ANOS1: variants seen among roughly 807,000 people sequenced by gnomAD.
ANOS1 encodes the protein anosmin-1.
ANOS1 carries 6 observed loss-of-function variants against 59.0 expected under a neutral mutation model. The ratio of observed to expected loss-of-function variants is 0.10; its 90% confidence interval spans 0.06 to 0.20. The LOEUF (loss-of-function observed/expected upper bound fraction) is 0.20. ANOS1 is among the 10% of genes least tolerant of loss of function. The pLI is 1.00. For synonymous variants in ANOS1, 217 were observed against 223.4 expected (o/e 0.97, Z 0.25); for missense variants, 433 against 542.3 (o/e 0.80, Z 2.00).
intron 1 of ANOS1, among the ~76,000 whole-genome samples, chrX:8,718,027 A>T (rs1326336039): frequency 9.1e-6 from 1 of 110,026 alleles, no homozygotes; most frequent in Non-Finnish European, 1.9e-5. Context: ...GCACCACTGC[A>T]CTCCAGCCTG....
rs777199213 is a variant in ANOS1, at chrX:8,553,961, T to G, written c.1345A>C (p.Lys449Gln). Residue 449 changes from lysine to glutamine, a missense_variant, in exon 9 of 14, where the codon AAG (lysine) becomes CAG (glutamine). Coordinates refer to ENST00000262648, the MANE Select transcript of ANOS1 (RefSeq NM_000216.4). ...AGTAATGTTTATGTACCTTCTGTCT[T>G]CTTCCAGTAGACTTTAACTTGCAGT... ...GQLQVKVYWK[K>Q]TEDPTVNRYH... 14 of 1,207,569 alleles carry G rather than the reference T, an allele frequency of 1.2e-5. No homozygotes were observed. The highest frequency in any genetic ancestry group is 2.3e-4 in the Middle Eastern group (1 of 4,367).
At chrX:8,675,425 C>G (rs932790258) in intron 2 of ANOS1, among the ~76,000 whole-genome samples, 24 of 111,642 alleles carry the variant, frequency 2.1e-4, no homozygotes, top group African/African-American at 7.8e-4. Context: ...CATCAGAAAT[C>G]ATTCCCTCCG....
At chrX:8,702,605 T>C in intron 1 of ANOS1, among the ~76,000 whole-genome samples, 1 of 111,897 alleles carries the variant, frequency 8.9e-6, no homozygotes, top group Non-Finnish European at 1.9e-5. Context: ...GAAGGAATTA[T>C]TGGGAGTTAA....
intron 2 of ANOS1, among the ~76,000 whole-genome samples, chrX:8,646,319 C>T (rs765813117): frequency 1.8e-5 from 2 of 110,838 alleles, no homozygotes; most frequent in Non-Finnish European, 3.8e-5. Context: ...CTGGGACTAT[C>T]GGTGCGTGCC....
At chrX:8,643,115 A>T (rs1156926698) in intron 2 of ANOS1, among the ~76,000 whole-genome samples, 1 of 111,460 alleles carries the variant, frequency 9.0e-6, no homozygotes, top group Non-Finnish European at 1.9e-5. Context: ...GGTGTTGATG[A>T]CCTAGAGGAA....
intron 3 of ANOS1, among the ~76,000 whole-genome samples, chrX:8,602,615 T>C (rs768839106): frequency 2.7e-5 from 3 of 111,930 alleles, no homozygotes; most frequent in Non-Finnish European, 5.6e-5. Flanking sequence ...TCTAAAATTA[T>C]ATGCAGGTAA....
chrX:8,653,395 G>A (rs1460341630), intron 2 of ANOS1, among the ~76,000 whole-genome samples: 1 of 110,615 alleles, frequency 9.0e-6, no homozygotes, highest in Admixed American at 9.7e-5. Context: ...GAATGTTCCT[G>A]GACTGAGAGC....
intron 2 of ANOS1, among the ~76,000 whole-genome samples, chrX:8,689,775 CAAAA>C (rs1226656927): frequency 1.7e-4 from 14 of 80,716 alleles, no homozygotes; most frequent in Non-Finnish European, 2.5e-4. Context: ...AAAAAAAAAA[CAAAA>C]AAAAAAAAGA....
intron 2 of ANOS1, among the ~76,000 whole-genome samples, chrX:8,656,952 C>G (rs1005383238): frequency 1.1e-4 from 12 of 111,732 alleles, no homozygotes; most frequent in African/African-American, 3.9e-4. Context: ...TGGTAGGTGT[C>G]TTTGTTATTC....
chrX:8,710,536 A>G (rs1170780662), intron 1 of ANOS1, among the ~76,000 whole-genome samples: 1 of 112,135 alleles, frequency 8.9e-6, no homozygotes, highest in Non-Finnish European at 1.9e-5. Context: ...ATTACAACTC[A>G]GAGAAGATCT....
chrX:8,664,967 T>C (rs1230414546), intron 2 of ANOS1, among the ~76,000 whole-genome samples: 1 of 111,822 alleles, frequency 8.9e-6, no homozygotes, highest in Non-Finnish European at 1.9e-5. Context: ...GGCTCTCTTG[T>C]GAACACTGTA....
At chrX:8,678,339 G>A (rs1472534462) in intron 2 of ANOS1, among the ~76,000 whole-genome samples, 1 of 111,905 alleles carries the variant, frequency 8.9e-6, no homozygotes, top group African/African-American at 3.3e-5. Context: ...CAATATCCCT[G>A]AGAATTTCAA....
chrX:8,551,764 G>C (rs1929860970), intron 9 of ANOS1, among the ~76,000 whole-genome samples: 1 of 112,184 alleles, frequency 8.9e-6, no homozygotes, highest in African/African-American at 3.2e-5. Context: ...CTTGAGATCA[G>C]GAGTTCAAGA....
At position 8,554,237 on chromosome X, in the gene ANOS1, A is replaced by C. The variant is rs1473090989; in HGVS notation, c.1208-139T>G. On this transcript the variant is annotated intron_variant, in intron 8 of 13. Transcript: ENST00000262648. ...AAGGCGGGTGATTTCTCTATTTCCA[A>C]CGGAGGTACCGGCTCATCTCATTAG... 1.5e-5 allele frequency: 8 copies of C among 522,902 alleles called. No homozygotes were observed. In the African/African-American group the frequency reaches 1.9e-4, roughly 12 times the overall value. 43.1% of individuals were successfully genotyped at this position (522,902 alleles called of 1,213,427 possible). A position where few individuals can be genotyped will look rare whatever the true frequency, so the allele number is the denominator to read the frequency against.
chrX:8,564,693 A>G (rs1930082442), intron 8 of ANOS1, among the ~76,000 whole-genome samples: 2 of 111,578 alleles, frequency 1.8e-5, no homozygotes, highest in South Asian at 7.7e-4. Flanking sequence ...GGGTGCCTCC[A>G]CCTTAGAATA....
intron 3 of ANOS1, among the ~76,000 whole-genome samples, chrX:8,612,650 T>A (rs749975516): frequency 2.8e-5 from 3 of 108,834 alleles, no homozygotes; most frequent in African/African-American, 3.4e-5. Flanking sequence ...ATGTCAGTAT[T>A]GCAAAAAGGG....
chrX:8,590,504 C>T (rs1043873866), intron 4 of ANOS1, among the ~76,000 whole-genome samples: 1 of 111,644 alleles, frequency 9.0e-6, no homozygotes, highest in Non-Finnish European at 1.9e-5. Flanking sequence ...CTTTTGCCCC[C>T]CTTCAATGTT....
chrX:8,664,395 A>G lies in ANOS1; in HGVS notation c.255+35303T>C, dbSNP rs779532864. Reference sequence around the variant, plus strand: ...TTTTTAGTAGAGACGGGGTTTCACCATGTTAGCCAGGATGGTCTCAATCTC... The same window carrying G: ...TTTTTAGTAGAGACGGGGTTTCACCGTGTTAGCCAGGATGGTCTCAATCTC... On this transcript the variant is annotated intron_variant, in intron 2 of 13. Transcript: ENST00000262648. 5.4e-4 allele frequency among the ~76,000 whole-genome samples: 59 copies of G among 109,946 alleles called. 1 individual carries two copies. The East Asian group carries it at 5.8e-3, about 11-fold the overall frequency.
Position 8,530,452 on chromosome X carries a change from T to A in ANOS1, c.*2543A>T, listed in dbSNP as rs538989994. The A allele has an allele frequency of 9.0e-6, 1 of 111,702 alleles. No individual in the cohort carries two copies. The highest frequency in any genetic ancestry group is 1.9e-5 in the Non-Finnish European group (1 of 53,077). 9.2% of individuals were successfully genotyped at this position (111,702 alleles called of 1,213,427 possible). A position where few individuals can be genotyped will look rare whatever the true frequency, so the allele number is the denominator to read the frequency against. ...TAAAATTCAAAAAATTATAACTATA[T>A]TTTTGATCATTTGAATAATACTGGA... On this transcript the variant is annotated 3_prime_UTR_variant, in exon 14 of 14. Coordinates refer to ENST00000262648, the MANE Select transcript of ANOS1 (RefSeq NM_000216.4).
Sources: allele counts gnomAD v4.1 joint callset (sites outside exome capture counted in the v4.1 genomes callset), GRCh38; gene constraint gnomAD v4.1.1; transcripts MANE v1.5; gene names NCBI Gene and HGNC (gene_info 2026-07-23, HGNC 2026-07-21).